KCNJ3: variants seen among roughly 807,000 people sequenced by gnomAD.
KCNJ3 encodes potassium inwardly rectifying channel subfamily J member 3, also known as G protein-activated inward rectifier potassium channel 1.
In KCNJ3, 4 loss-of-function variants were observed where a neutral mutation model predicts 39.2. The observed-to-expected ratio is 0.10, with a 90% CI of 0.05 to 0.23. The LOEUF (loss-of-function observed/expected upper bound fraction) is 0.23, where lower values mean the gene tolerates loss of function less well. Ranked by LOEUF, KCNJ3 falls within the 10% of genes least tolerant of loss-of-function variation. The probability of loss-of-function intolerance (pLI) is 1.00; values close to 1 mark genes in which losing one functional copy is unlikely to be tolerated. For missense variants in KCNJ3, 276 were observed against 634.9 expected (o/e 0.43, Z 6.08); for synonymous variants, 230 against 237.4 (o/e 0.97, Z 0.29).
At chr2:154,771,783 G>T (rs1040773027) in intron 2 of KCNJ3, among the ~76,000 whole-genome samples, 1 of 152,282 alleles carries the variant, frequency 6.6e-6, no homozygotes, top group Non-Finnish European at 1.5e-5. Flanking sequence ...TTGAGAGATG[G>T]CAGGACAATA....
intron 2 of KCNJ3, among the ~76,000 whole-genome samples, chr2:154,710,647 G>A (rs1171525548): frequency 6.6e-6 from 1 of 152,034 alleles, no homozygotes; most frequent in African/African-American, 2.4e-5. Context: ...GTGTATGTGT[G>A]TATTTTGAGT....
intron 2 of KCNJ3, among the ~76,000 whole-genome samples, chr2:154,820,607 G>C (rs952915678): frequency 2.0e-5 from 3 of 152,086 alleles, no homozygotes; most frequent in African/African-American, 7.2e-5. Flanking sequence ...TCTCTGAAAA[G>C]GGATTTGGAA....
chr2:154,842,817 T>C (rs1687598228), intron 2 of KCNJ3, among the ~76,000 whole-genome samples: 1 of 152,208 alleles, frequency 6.6e-6, no homozygotes, highest in Admixed American at 6.5e-5. Context: ...ATCCCTTTAT[T>C]TGGAGCCTAT....
At chr2:154,725,126 C>A (rs3111017) in intron 2 of KCNJ3, among the ~76,000 whole-genome samples, 46,623 of 150,698 alleles carry the variant, frequency 0.31, 7,522 homozygotes, top group Non-Finnish European at 0.35. Context: ...AATATCAACT[C>A]CAGCCTATTG....
At chr2:154,839,492 T>A (rs1015440110) in intron 2 of KCNJ3, among the ~76,000 whole-genome samples, 2 of 152,176 alleles carry the variant, frequency 1.3e-5, no homozygotes, top group African/African-American at 4.8e-5. Flanking sequence ...TAGTTCTAGA[T>A]CCTTGAGAAA....
intron 2 of KCNJ3, among the ~76,000 whole-genome samples, chr2:154,797,631 A>G (rs1041407745): frequency 1.3e-5 from 2 of 152,228 alleles, no homozygotes; most frequent in South Asian, 4.1e-4. Flanking sequence ...ACATATAAAC[A>G]TAATCACTAT....
chr2:154,815,387 G>C (rs2105105146), intron 2 of KCNJ3, among the ~76,000 whole-genome samples: 1 of 152,210 alleles, frequency 6.6e-6, no homozygotes, highest in African/African-American at 2.4e-5. Context: ...AGCAGGAACT[G>C]CATCTTTTGT....
Position 154,855,280 on chromosome 2 carries a change from A to G in KCNJ3, c.1473A>G (p.Lys491=), listed in dbSNP as rs1199465246. The change falls in exon 3 of 3, where the codon AAA becomes AAG. Residue 491 remains lysine (K), a synonymous_variant. Coordinates refer to ENST00000295101, the MANE Select transcript of KCNJ3 (RefSeq NM_002239.4). ...GGATGGAAGGGAACCTTCCAGCCAA[A>G]TTAAGAAAAATGAACTCTGATCGCT... ...AARMEGNLPA[K]LRKMNSDRFT The G allele has an allele frequency of 1.9e-6, 3 of 1,608,150 alleles. No homozygotes were observed. Among genetic ancestry groups the G allele is most frequent in the Non-Finnish European group, 1.7e-6 (2 of 1,178,292 alleles).
At chr2:154,821,635 ATTTTT>A (rs71422263) in intron 2 of KCNJ3, among the ~76,000 whole-genome samples, 1 of 88,072 alleles carries the variant, frequency 1.1e-5, no homozygotes, top group African/African-American at 4.3e-5. Context: ...AGAATATGTG[ATTTTT>A]TTTTTTTTTT....
chr2:154,706,040 A>G (rs1000857992), intron 1 of KCNJ3, among the ~76,000 whole-genome samples: 2 of 152,068 alleles, frequency 1.3e-5, no homozygotes, highest in African/African-American at 4.8e-5. Context: ...TATTTGTTCC[A>G]CAATTCTTGT....
chr2:154,720,513 A>G (rs1377372647), intron 2 of KCNJ3, among the ~76,000 whole-genome samples: 1 of 152,018 alleles, frequency 6.6e-6, no homozygotes, highest in Admixed American at 6.6e-5. Flanking sequence ...TAAGCCCTCA[A>G]TTTTATTTTA....
chr2:154,770,739 C>T (rs1574456070), intron 2 of KCNJ3, among the ~76,000 whole-genome samples: 1 of 152,050 alleles, frequency 6.6e-6, no homozygotes, highest in Admixed American at 6.6e-5. Flanking sequence ...TTATTGTAGT[C>T]TCTGGATGAC....
chr2:154,735,579 T>C (rs932258085), intron 2 of KCNJ3, among the ~76,000 whole-genome samples: 6 of 152,222 alleles, frequency 3.9e-5, no homozygotes, highest in Non-Finnish European at 5.9e-5. Context: ...TATTTTGTTT[T>C]CTTTCAGTTA....
intron 2 of KCNJ3, among the ~76,000 whole-genome samples, chr2:154,808,624 G>GGTT (rs1686958162): frequency 1.3e-5 from 2 of 152,086 alleles, no homozygotes; most frequent in African/African-American, 2.4e-5. Context: ...GCTGGCTTGA[G>GGTT]GTTGTTTTTA....
intron 2 of KCNJ3, among the ~76,000 whole-genome samples, chr2:154,717,972 A>C (rs1465455916): frequency 3.9e-5 from 6 of 152,292 alleles, no homozygotes; most frequent in Non-Finnish European, 7.4e-5. Flanking sequence ...TTAGCCTGTG[A>C]GCTCCTCACT....
At chr2:154,768,073 A>G (rs1686167554) in intron 2 of KCNJ3, among the ~76,000 whole-genome samples, 1 of 152,048 alleles carries the variant, frequency 6.6e-6, no homozygotes, top group Non-Finnish European at 1.5e-5. Flanking sequence ...TTCTTTGTAG[A>G]TTCTGGATAT....
In KCNJ3 at chr2:154,698,829, G is replaced by T. The variant is rs1351839298; in HGVS notation, c.54G>T (p.Ser18=). The change falls in exon 1 of 3, where the codon TCG becomes TCT. Residue 18 remains serine (S), a synonymous_variant. Coordinates refer to ENST00000295101, the MANE Select transcript of KCNJ3 (RefSeq NM_002239.4). Reference sequence around the variant, plus strand: ...ACGATTATCAGGTAGTGACCACATCGTCCAGCGGCTCGGGCTTGCAGCCCC... The same window carrying T: ...ACGATTATCAGGTAGTGACCACATCTTCCAGCGGCTCGGGCTTGCAGCCCC... ...FGDDYQVVTT[S]SSGSGLQPQG... 1 of 1,614,022 alleles carries T rather than the reference G, an allele frequency of 6.2e-7. No homozygotes were observed. Among genetic ancestry groups the T allele is most frequent in the Non-Finnish European group, 8.5e-7 (1 of 1,180,032 alleles).
At chr2:154,810,680 A>C (rs1483432436) in intron 2 of KCNJ3, among the ~76,000 whole-genome samples, 2 of 152,222 alleles carry the variant, frequency 1.3e-5, no homozygotes, top group African/African-American at 2.4e-5. Flanking sequence ...AAAACTAGTC[A>C]AAAATATATC....
intron 1 of KCNJ3, among the ~76,000 whole-genome samples, chr2:154,703,874 ATATTTGT>A (rs1684953607): frequency 6.6e-6 from 1 of 152,080 alleles, no homozygotes; most frequent in Non-Finnish European, 1.5e-5. Context: ...ATGAATGTCT[ATATTTGT>A]AAAAGCCCTG....
Sources: allele counts gnomAD v4.1 joint callset (sites outside exome capture counted in the v4.1 genomes callset), GRCh38; gene constraint gnomAD v4.1.1; transcripts MANE v1.5; gene names NCBI Gene and HGNC (gene_info 2026-07-23, HGNC 2026-07-21).